The following CD109 variants were observed in gnomAD, a reference collection of about 807,000 sequenced individuals.
The protein encoded by CD109 is CD109 molecule, also known as CD109 antigen.
In CD109, 149 loss-of-function variants were observed where a neutral mutation model predicts 165.8. The ratio of observed to expected loss-of-function variants is 0.90; its 90% CI spans 0.79 to 1.03. The LOEUF (loss-of-function observed/expected upper bound fraction) is 1.03, where lower values mean the gene tolerates loss of function less well. CD109 is among the 50% of genes least tolerant of loss of function. The pLI, the probability that CD109 is intolerant of heterozygous loss-of-function variation, is 0.00. For synonymous variants in CD109, 585 were observed against 592.1 expected (o/e 0.99, Z 0.18); for missense variants, 1,712 against 1,677.8 (o/e 1.02, Z -0.36).
Position 73,730,654 on chromosome 6 carries a change from A to T in CD109, c.507+80A>T, listed in dbSNP as rs566519230. The stretch of plus-strand genomic sequence containing the variant: ...CTGGGAAGTTCTGCTTGTGTTACTG[A>T]CACTGGAATATTTTAGAATTCACCT... On this transcript the variant is annotated intron_variant, in intron 4 of 32. Coordinates refer to ENST00000287097, the MANE Select transcript of CD109 (RefSeq NM_133493.5). 3.6e-5 allele frequency: 30 copies of T among 837,726 alleles called. No homozygotes were observed. The East Asian group carries it at 7.6e-4, about 21-fold the overall frequency. The allele number at this position is 837,726 out of a possible 1,614,324, so 51.9% of individuals were successfully genotyped here. A position where few individuals can be genotyped will look rare whatever the true frequency, so the allele number is the denominator to read the frequency against.
chr6:73,798,195 A>G lies in CD109; in HGVS notation c.2879-5025A>G, dbSNP rs577226723. Among the ~76,000 whole-genome samples, 21 of 151,130 alleles carry G rather than the reference A, an allele frequency of 1.4e-4. No homozygotes were observed. The East Asian group carries it at 4.1e-3, about 30-fold the overall frequency. ...AGTGGTACGATCTTGGCTCACTGCA[A>G]CCTCCGCCTCCCAGGTTCAAGCGAT... On this transcript the variant is annotated intron_variant, in intron 23 of 32. Coordinates refer to ENST00000287097, the MANE Select transcript of CD109 (RefSeq NM_133493.5).
At chr6:73,795,840 C>A (rs1326249510) in intron 23 of CD109, among the ~76,000 whole-genome samples, 1 of 152,060 alleles carries the variant, frequency 6.6e-6, no homozygotes, top group Non-Finnish European at 1.5e-5. Context: ...ATAAAAGAAC[C>A]CACTTAGTAG....
At chr6:73,720,821 C>T (rs1771924116) in intron 2 of CD109, among the ~76,000 whole-genome samples, 1 of 152,136 alleles carries the variant, frequency 6.6e-6, no homozygotes. Flanking sequence ...GTCCAAAGAC[C>T]CCCTTTTGAT....
intron 29 of CD109, among the ~76,000 whole-genome samples, chr6:73,814,631 CA>C (rs1426961664): frequency 1.3e-5 from 2 of 152,126 alleles, no homozygotes. Context: ...TCCATTTGGG[CA>C]ACAGGCCTTA....
At chr6:73,756,387 C>A (rs113370977) in intron 5 of CD109, among the ~76,000 whole-genome samples, 206 of 152,114 alleles carry the variant, frequency 1.4e-3, no homozygotes, top group African/African-American at 4.7e-3. Flanking sequence ...AAATGACCCG[C>A]AATGAATTAT....
rs761682929 is a variant in CD109, at chr6:73,758,983, A to G, written c.713A>G (p.Tyr238Cys). The G allele has an allele frequency of 1.1e-5, 17 of 1,607,950 alleles. No individual in the cohort carries two copies. The African/African-American group carries it at 2.0e-4, about 19-fold the overall frequency. Residue 238 changes from tyrosine (Y) to cysteine (C), a missense_variant, in exon 7 of 33, where the codon TAT becomes TGT. Tyr to Cys is a radical substitution (Grantham distance 194). Coordinates refer to ENST00000287097, the MANE Select transcript of CD109 (RefSeq NM_133493.5). ...GAAGTGACTTTGCAGACACCATTAT[A>G]TTGTTCTATGAATTCTAAGCATTTA... is the stretch of plus-strand genomic sequence containing the variant. Reference protein sequence around the residue: ...KFEVTLQTPLYCSMNSKHLNG... With the variant: ...KFEVTLQTPLCCSMNSKHLNG...
At chr6:73,791,215 AT>A (rs1774951519) in intron 22 of CD109, among the ~76,000 whole-genome samples, 2 of 129,886 alleles carry the variant, frequency 1.5e-5, no homozygotes, top group Non-Finnish European at 3.1e-5. Context: ...ATATATATAT[AT>A]ATATAATTTT....
chr6:73,698,112 A>C (rs1770924334), intron 2 of CD109, among the ~76,000 whole-genome samples: 1 of 152,222 alleles, frequency 6.6e-6, no homozygotes, highest in African/African-American at 2.4e-5. Context: ...CTTAAGTTTT[A>C]AAGTAACAAG....
At chr6:73,711,492 A>G (rs899365582) in intron 2 of CD109, among the ~76,000 whole-genome samples, 2 of 151,928 alleles carry the variant, frequency 1.3e-5, no homozygotes, top group Middle Eastern at 3.2e-3. Flanking sequence ...GTGACATTAA[A>G]CTGTGAAGCA....
At chr6:73,804,943 C>T (rs1775511638) in intron 24 of CD109, among the ~76,000 whole-genome samples, 1 of 152,202 alleles carries the variant, frequency 6.6e-6, no homozygotes. Context: ...ATCAAAACCA[C>T]AATGAGATAC....
chr6:73,817,084 C>A (rs77472813), intron 30 of CD109, among the ~76,000 whole-genome samples: 3,613 of 152,182 alleles, frequency 0.024, 164 homozygotes, highest in African/African-American at 0.082. Flanking sequence ...GGACAAATAA[C>A]ATTTAGGTGT....
Position 73,785,459 on chromosome 6 carries a change from T to C in CD109, c.2319T>C (p.Tyr773=), listed in dbSNP as rs1179634249. 7 of 1,567,932 alleles carry C rather than the reference T, an allele frequency of 4.5e-6. No homozygotes were observed. Among genetic ancestry groups the C allele is most frequent in the Non-Finnish European group, 6.1e-6 (7 of 1,143,120 alleles). ...EFALEITIFN[Y]LKDATEVKVI... ...CTTTGGAAATAACTATATTCAATTA[T>C]TTGAAAGATGCCACTGAGGTAATGT... The change falls in exon 20 of 33, where the codon TAT becomes TAC. Residue 773 remains tyrosine (Y), a synonymous_variant. Coordinates refer to ENST00000287097, the MANE Select transcript of CD109 (RefSeq NM_133493.5).
Position 73,806,984 on chromosome 6 carries a change from T to G in CD109, c.3101T>G (p.Ile1034Ser), listed in dbSNP as rs750096653. The change falls in exon 25 of 33, where the codon ATT becomes AGT. Residue 1034 changes from isoleucine to serine, a missense_variant. Coordinates refer to ENST00000287097, the MANE Select transcript of CD109 (RefSeq NM_133493.5). ...NGEFWDPGRV[I>S]HSELQGGNKS... ...GAATTTTGGGATCCAGGAAGAGTGA[T>G]TCATAGTGAGCTTCAAGGTGGCAAT... The G allele has an allele frequency of 4.3e-6, 7 of 1,613,942 alleles. No individual in the cohort carries two copies. The highest frequency in any genetic ancestry group is 1.3e-5 in the African/African-American group (1 of 74,918).
chr6:73,768,184 A>G lies in CD109; in HGVS notation c.1627A>G (p.Ile543Val). The G allele has an allele frequency of 6.3e-7, 1 of 1,596,648 alleles. No individual in the cohort carries two copies. The highest frequency in any genetic ancestry group is 8.6e-7 in the Non-Finnish European group (1 of 1,164,648). The change falls in exon 14 of 33, where the codon ATA becomes GTA. Residue 543 changes from isoleucine (I) to valine (V), a missense_variant. By Grantham distance (29) the Ile-to-Val change is conservative. Coordinates refer to ENST00000287097, the MANE Select transcript of CD109 (RefSeq NM_133493.5). Reference sequence around the variant, plus strand: ...TTATATTGAAGATGATGGGGAAATTATAAGTGATGTTCTAAAAATTCCTGT... The same window carrying G: ...TTATATTGAAGATGATGGGGAAATTGTAAGTGATGTTCTAAAAATTCCTGT... ...VYYIEDDGEI[I>V]SDVLKIPVQL...
chr6:73,715,056 C>T lies in CD109; in HGVS notation c.248-8195C>T, dbSNP rs901438606. On this transcript the variant is annotated intron_variant, in intron 2 of 32. Coordinates refer to ENST00000287097, the MANE Select transcript of CD109 (RefSeq NM_133493.5). ...GGCAGATCACTTGAGGTCAGGAGTTCGAGACCAGCCTGGCCAACATGGCAC... is the reference window on the plus strand; with the variant it reads ...GGCAGATCACTTGAGGTCAGGAGTTTGAGACCAGCCTGGCCAACATGGCAC... Among the ~76,000 whole-genome samples the T allele has an allele frequency of 3.3e-5, 5 of 151,942 alleles. No homozygotes were observed. The South Asian group carries it at 6.2e-4, about 19-fold the overall frequency.
At position 73,815,044 on chromosome 6, in the gene CD109, C is replaced by A; in HGVS notation, c.3832C>A (p.Gln1278Lys). The change falls in exon 30 of 33, where the codon CAA (glutamine) becomes AAA (lysine). Residue 1278 changes from glutamine (Q) to lysine (K), a missense_variant. Physicochemically the swap from Gln to Lys is moderately conservative, Grantham distance 53. Coordinates refer to ENST00000287097, the MANE Select transcript of CD109 (RefSeq NM_133493.5). ...SSRRRRSIQN[Q>K]EAFDLDVAVK... ...TAGAAGACGAAGATCTATCCAAAATCAAGAAGCCTTTGATTTAGATGTTGC... is the reference window on the plus strand; with the variant it reads ...TAGAAGACGAAGATCTATCCAAAATAAAGAAGCCTTTGATTTAGATGTTGC... 6.3e-7 allele frequency: 1 copy of A among 1,587,280 alleles called. No homozygotes were observed. Among genetic ancestry groups the A allele is most frequent in the Non-Finnish European group, 8.5e-7 (1 of 1,171,044 alleles).
rs1241676378 is a variant in CD109, at chr6:73,711,747, C to T, written c.248-11504C>T. ...AGAGACGGGGTTTCACCGTTTTAGC[C>T]GGGATGGTCTCGATCTCTTGACCTC... On this transcript the variant is annotated intron_variant, in intron 2 of 32. Transcript: ENST00000287097. 3.7e-5 allele frequency among the ~76,000 whole-genome samples: 2 copies of T among 53,590 alleles called. 1 individual carries two copies. Among genetic ancestry groups the T allele is most frequent in the South Asian group, 9.1e-4 (2 of 2,206 alleles). 35.2% of individuals were successfully genotyped at this position (53,590 alleles called of 152,430 possible). A position where few individuals can be genotyped will look rare whatever the true frequency, so the allele number is the denominator to read the frequency against.
chr6:73,759,508 A>G (rs1469443128), intron 7 of CD109, among the ~76,000 whole-genome samples: 3 of 151,844 alleles, frequency 2.0e-5, no homozygotes, highest in Non-Finnish European at 4.4e-5. Context: ...TCAAGCTTTT[A>G]TTTTCTGAGT....
intron 27 of CD109, among the ~76,000 whole-genome samples, chr6:73,810,546 C>G (rs1164839618): frequency 6.6e-6 from 1 of 151,636 alleles, no homozygotes; most frequent in Non-Finnish European, 1.5e-5. Context: ...TTCTTTTCTT[C>G]TTTTTGGAAA....
Sources: gnomAD v4.1 joint callset for allele counts (sites outside exome capture counted in the v4.1 genomes callset) on GRCh38, gnomAD v4.1.1 for gene constraint, MANE v1.5 for transcripts, NCBI Gene and HGNC (gene_info 2026-07-23, HGNC 2026-07-21) for gene names.